Variants in RBPMS observed in about 807,000 individuals in gnomAD.
RBPMS encodes the protein RNA-binding protein with multiple splicing.
RBPMS carries 7 observed loss-of-function variants against 26.8 expected under a neutral mutation model. That is an observed-to-expected ratio of 0.26 (90% CI 0.15 to 0.49). RBPMS has a LOEUF of 0.49. Among genes scored for constraint, RBPMS ranks in the 20% least tolerant of loss-of-function variants. RBPMS has a pLI of 0.98. For synonymous variants in RBPMS, 96 were observed against 93.3 expected (o/e 1.03, Z -0.17); for missense variants, 186 against 250.0 (o/e 0.74, Z 1.73).
intron 4 of RBPMS, among the ~76,000 whole-genome samples, chr8:30,491,985 C>T (rs188155060): frequency 3.9e-5 from 6 of 152,190 alleles, no homozygotes; most frequent in South Asian, 2.1e-4. Context: ...CCGGCCTCCA[C>T]GATTCAGGCA....
chr8:30,544,667 CA>C, intron 6 of RBPMS, 43 bp downstream of exon 6: 1 of 1,611,648 alleles, frequency 6.2e-7, no homozygotes. Flanking sequence ...ACTTCACCAC[CA>C]GTCCTTTCAA....
At chr8:30,443,116 C>A (rs1236527171) in intron 1 of RBPMS, among the ~76,000 whole-genome samples, 2 of 152,176 alleles carry the variant, frequency 1.3e-5, no homozygotes, top group African/African-American at 4.8e-5. Context: ...GTGATAGAGT[C>A]ACCTCAAGCC....
At chr8:30,434,151 A>G (rs979928639) in intron 1 of RBPMS, among the ~76,000 whole-genome samples, 4 of 151,964 alleles carry the variant, frequency 2.6e-5, no homozygotes, top group Non-Finnish European at 5.9e-5. Flanking sequence ...AAATAAAAAT[A>G]AAGTCCTGGG....
chr8:30,523,240 G>A (rs1054641940), intron 5 of RBPMS, among the ~76,000 whole-genome samples: 2 of 151,922 alleles, frequency 1.3e-5, no homozygotes, highest in African/African-American at 4.8e-5. Flanking sequence ...AGCCAGGCAT[G>A]GTGGTGCGTG....
chr8:30,436,866 G>A, intron 1 of RBPMS, among the ~76,000 whole-genome samples: 1 of 151,680 alleles, frequency 6.6e-6, no homozygotes, highest in East Asian at 1.9e-4. Flanking sequence ...TTTCCTGACT[G>A]TAACTGAATA....
At chr8:30,500,076 G>A (rs1820391327) in intron 4 of RBPMS, among the ~76,000 whole-genome samples, 1 of 152,158 alleles carries the variant, frequency 6.6e-6, no homozygotes, top group South Asian at 2.1e-4. Context: ...GTCCCAGTAG[G>A]AAATCCCTTA....
At chr8:30,551,466 T>G (rs958704859) in intron 6 of RBPMS, among the ~76,000 whole-genome samples, 1 of 152,196 alleles carries the variant, frequency 6.6e-6, no homozygotes, top group South Asian at 2.1e-4. Context: ...AACGTGGGCC[T>G]CCTCCTGACT....
Position 30,424,613 on chromosome 8 carries a change from T to C in RBPMS, c.66+39455T>C, listed in dbSNP as rs541005250. ...TTAACCTCTCTAGATCTTAATCTTT[T>C]CATCTGTTTGTAAGAAGAGAATGAG... On this transcript the variant is annotated intron_variant, in intron 1 of 8. Transcript: ENST00000397323. Among the ~76,000 whole-genome samples the C allele has an allele frequency of 2.6e-5, 4 of 152,356 alleles. No individual in the cohort carries two copies. The East Asian group carries it at 7.7e-4, about 29-fold the overall frequency.
At chr8:30,467,366 A>C (rs1261922195) in intron 1 of RBPMS, among the ~76,000 whole-genome samples, 1 of 152,212 alleles carries the variant, frequency 6.6e-6, no homozygotes, top group East Asian at 1.9e-4. Context: ...AAAATTTACA[A>C]GCTGGGCCCT....
intron 4 of RBPMS, among the ~76,000 whole-genome samples, chr8:30,484,469 A>G (rs1818586384): frequency 6.6e-6 from 1 of 152,202 alleles, no homozygotes; most frequent in African/African-American, 2.4e-5. Context: ...ACTTGAAGGA[A>G]AGGTATTTTC....
chr8:30,388,871 C>A (rs1010867321), intron 1 of RBPMS, among the ~76,000 whole-genome samples: 2 of 151,822 alleles, frequency 1.3e-5, no homozygotes, highest in Non-Finnish European at 2.9e-5. Context: ...ACTAAAAAAG[C>A]AAAAAACGTG....
rs118171887 is a variant in RBPMS at position 30,497,584 on chromosome 8, C to G, written c.247-6702C>G. Among the ~76,000 whole-genome samples, 1,225 of 152,002 alleles carry G rather than the reference C, an allele frequency of 8.1e-3. 36 individuals carry two copies. The highest frequency in any genetic ancestry group is 0.055 in the Admixed American group (838 of 15,260). On this transcript the variant is annotated intron_variant, in intron 4 of 8. Coordinates refer to ENST00000397323, the MANE Select transcript of RBPMS (RefSeq NM_001008710.3). ...CGGTAGAAGACTTTTATTCTTAGCT[C>G]TCTCTAGAAAATGGTTTTTTTTGTT...
At chr8:30,491,479 T>C (rs1819384047) in intron 4 of RBPMS, among the ~76,000 whole-genome samples, 1 of 152,196 alleles carries the variant, frequency 6.6e-6, no homozygotes, top group African/African-American at 2.4e-5. Context: ...TGGATCCTGT[T>C]GGGGGCTGGG....
chr8:30,552,671 C>T (rs534219112), intron 6 of RBPMS: 10 of 152,346 alleles, frequency 6.6e-5, no homozygotes, highest in Non-Finnish European at 1.0e-4. Flanking sequence ...TGCTTGGGTG[C>T]TTTTAACCCA....
intron 1 of RBPMS, 30 bp downstream of exon 1, chr8:30,385,188 G>A (rs1806867447): frequency 1.4e-6 from 2 of 1,446,992 alleles, no homozygotes; most frequent in Non-Finnish European, 1.8e-6. Context: ...GGTGGCGGGG[G>A]CGACGCGGGA....
At chr8:30,489,657 C>T (rs1321652353) in intron 4 of RBPMS, among the ~76,000 whole-genome samples, 1 of 151,778 alleles carries the variant, frequency 6.6e-6, no homozygotes, top group African/African-American at 2.4e-5. Context: ...GTTGGTCAGG[C>T]TGGTCTGGAA....
chr8:30,418,522 T>G (rs548667013), intron 1 of RBPMS, among the ~76,000 whole-genome samples: 24 of 152,186 alleles, frequency 1.6e-4, no homozygotes, highest in Non-Finnish European at 2.9e-4. Context: ...TTGGTTATCT[T>G]TTGTCTATTT....
In RBPMS at chr8:30,496,703, A is replaced by T. The variant is rs116488317; in HGVS notation, c.247-7583A>T. ...TCTATTTTAAAAATGTTTGAGTGTC[A>T]CAAGTTTTCACTTGTAACACAGTGA... On this transcript the variant is annotated intron_variant, in intron 4 of 8. Transcript: ENST00000397323. Among the ~76,000 whole-genome samples the T allele has an allele frequency of 1.5e-3, 233 of 152,346 alleles. 2 individuals carry two copies. Among genetic ancestry groups the T allele is most frequent in the African/African-American group, 5.2e-3 (217 of 41,588 alleles).
chr8:30,431,652 T>G (rs1456107989), intron 1 of RBPMS, among the ~76,000 whole-genome samples: 2 of 152,056 alleles, frequency 1.3e-5, no homozygotes, highest in Admixed American at 1.3e-4. Context: ...GGTTTCTCCG[T>G]GTTGGCTAGG....
Sources: gnomAD v4.1 joint callset for allele counts (sites outside exome capture counted in the v4.1 genomes callset) on GRCh38, gnomAD v4.1.1 for gene constraint, MANE v1.5 for transcripts, NCBI Gene and HGNC (gene_info 2026-07-23, HGNC 2026-07-21) for gene names.